TMCO6: variants seen among roughly 807,000 people sequenced by gnomAD.
TMCO6 encodes transmembrane and coiled-coil domain-containing protein 6.
In TMCO6, 47 loss-of-function variants were observed where a neutral mutation model predicts 61.8. The observed-to-expected ratio is 0.76, with a 90% CI of 0.60 to 0.97. The LOEUF (loss-of-function observed/expected upper bound fraction) is 0.97. Ranked by LOEUF, TMCO6 falls within the 50% of genes least tolerant of loss-of-function variation. The pLI is 0.00. For missense variants in TMCO6, 557 were observed against 601.6 expected, an observed-to-expected ratio of 0.93 and a Z score of 0.78; for synonymous variants, 261 against 254.2, an observed-to-expected ratio of 1.03 and a Z score of -0.25.
Position 140,639,746 on chromosome 5 carries a change from GA to G in TMCO6, c.95del (p.Lys32ArgfsTer14). 1 of 1,596,196 alleles carries G rather than the reference GA, an allele frequency of 6.3e-7. No homozygotes were observed. On this transcript the variant is annotated frameshift_variant, in exon 2 of 12. Transcript: ENST00000394671. LOFTEE classifies it high-confidence loss of function. Reference sequence around the variant, plus strand: ...CGGCTCCTCTGCCCCCAGCACTGCGGAAGGCGCGGAGGGAGCAGCAGCTGGT... The same window carrying G: ...CGGCTCCTCTGCCCCCAGCACTGCGGAGGCGCGGAGGGAGCAGCAGCTGGT... ...RRREREAALR[K>X]ARREQQLVSK...
chr5:140,601,292 C>A, the TMCO6 span, among the ~76,000 whole-genome samples: 1 of 152,134 alleles, frequency 6.6e-6, no homozygotes, highest in Non-Finnish European at 1.5e-5. Context: ...TCTGCAATGG[C>A]TGTGGGGGTA....
At chr5:140,645,726 C>A (rs1260615030), downstream of TMCO6, 1 of 1,613,530 alleles carries the variant, frequency 6.2e-7, no homozygotes, top group East Asian at 2.2e-5. Flanking sequence ...ACCCTGGAGG[C>A]TACCAAAGTA....
the TMCO6 span, among the ~76,000 whole-genome samples, chr5:140,604,120 C>T: frequency 2.0e-5 from 3 of 152,136 alleles, no homozygotes; most frequent in African/African-American, 7.2e-5. Flanking sequence ...TTTTCATATG[C>T]TTGTTAGCCA....
the TMCO6 span, among the ~76,000 whole-genome samples, chr5:140,607,434 T>C: frequency 1.3e-5 from 2 of 152,356 alleles, no homozygotes; most frequent in Middle Eastern, 3.4e-3. Context: ...TATGTATTCA[T>C]TTATCCACTA....
At chr5:140,624,246 T>A in the TMCO6 span, among the ~76,000 whole-genome samples, 1 of 151,908 alleles carries the variant, frequency 6.6e-6, no homozygotes, top group Admixed American at 6.6e-5. Flanking sequence ...CTGCCTGTAA[T>A]CCCAGCTACT....
At chr5:140,607,402 G>A in the TMCO6 span, among the ~76,000 whole-genome samples, 26 of 152,208 alleles carry the variant, frequency 1.7e-4, no homozygotes, top group African/African-American at 6.3e-4. Context: ...ATAATATTCC[G>A]TTGTCTGTGT....
At chr5:140,646,479 T>C (rs1325422605), downstream of TMCO6, among the ~76,000 whole-genome samples, 1 of 152,200 alleles carries the variant, frequency 6.6e-6, no homozygotes, top group Non-Finnish European at 1.5e-5. Flanking sequence ...GTCTCACAGA[T>C]ATCTACTCTG....
chr5:140,641,591 G>A, intron 2 of TMCO6, 74 bp from the exon 3 acceptor site: 1 of 1,269,588 alleles, frequency 7.9e-7, no homozygotes. Context: ...GCTCACAGGT[G>A]AAGTGGGCAG....
chr5:140,638,385 G>A (rs1756827518), upstream of TMCO6, among the ~76,000 whole-genome samples: 1 of 152,030 alleles, frequency 6.6e-6, no homozygotes, highest in East Asian at 1.9e-4. Flanking sequence ...TACTGATAAC[G>A]TCTGGTACTG....
At chr5:140,640,913 G>A (rs1756987004) in intron 2 of TMCO6, 1 of 152,528 alleles carries the variant, frequency 6.6e-6, no homozygotes, top group Non-Finnish European at 1.5e-5. Flanking sequence ...CCCTGTATTT[G>A]TATTATGTTT....
the TMCO6 span, among the ~76,000 whole-genome samples, chr5:140,604,888 G>A: frequency 1.3e-5 from 2 of 150,234 alleles, no homozygotes; most frequent in Non-Finnish European, 3.0e-5. Flanking sequence ...AAAATCAGTT[G>A]GTTATAGATG....
chr5:140,635,566 C>T (rs1320292166), upstream of TMCO6, among the ~76,000 whole-genome samples: 1 of 152,134 alleles, frequency 6.6e-6, no homozygotes, highest in East Asian at 1.9e-4. Context: ...CAAAGATCTC[C>T]AACTCACAGC....
At chr5:140,628,094 C>T in the TMCO6 span, among the ~76,000 whole-genome samples, 6 of 151,302 alleles carry the variant, frequency 4.0e-5, no homozygotes, top group Admixed American at 6.6e-5. Context: ...CCACAACCTC[C>T]GCCTCCCAGA....
the TMCO6 span, among the ~76,000 whole-genome samples, chr5:140,619,222 A>G: frequency 0.56 from 84,776 of 152,080 alleles, 24,144 homozygotes; most frequent in African/African-American, 0.65. Flanking sequence ...CATATGAAAA[A>G]GTGCTCTACA....
At chr5:140,632,821 C>T in the TMCO6 span, 2 of 1,614,010 alleles carry the variant, frequency 1.2e-6, no homozygotes, top group Admixed American at 3.3e-5. This position sits in a 1 kb window ranked among gnomAD's most constrained non-coding sequence, Gnocchi z 6.2. Flanking sequence ...TCCACCTCTA[C>T]TGCAGACACA....
At position 140,641,945 on chromosome 5, in the gene TMCO6, G is replaced by C. The variant is rs1757065037; in HGVS notation, c.390G>C (p.Arg130=). 3 of 1,613,996 alleles carry C rather than the reference G, an allele frequency of 1.9e-6. No individual in the cohort carries two copies. Among genetic ancestry groups the C allele is most frequent in the Non-Finnish European group, 2.5e-6 (3 of 1,179,852 alleles). The change falls in exon 4 of 12, where the codon CGG becomes CGC. Residue 130 remains arginine, a synonymous_variant. Transcript: ENST00000394671. ...CCCTGCTGCAGCTTGAGGCGGCTCGGTGCCTGCATGAGCTCTCTCACTCCG... is the reference window on the plus strand; with the variant it reads ...CCCTGCTGCAGCTTGAGGCGGCTCGCTGCCTGCATGAGCTCTCTCACTCCG... ...NQALLQLEAA[R]CLHELSHSEQ...
the TMCO6 span, among the ~76,000 whole-genome samples, chr5:140,620,890 G>A: frequency 6.6e-6 from 1 of 152,218 alleles, no homozygotes; most frequent in Non-Finnish European, 1.5e-5. Flanking sequence ...ACATGCACCT[G>A]TAGTCCCAGC....
the TMCO6 span, chr5:140,632,271 G>A: frequency 5.0e-6 from 8 of 1,613,688 alleles, no homozygotes; most frequent in Admixed American, 1.0e-4. This position sits in a 1 kb window ranked among gnomAD's most constrained non-coding sequence, Gnocchi z 6.2. Context: ...GCACACGCCT[G>A]TGGGCGTCTC....
At chr5:140,637,946 CTCTTT>C (rs1411321670), upstream of TMCO6, among the ~76,000 whole-genome samples, 15 of 152,112 alleles carry the variant, frequency 9.9e-5, no homozygotes, top group African/African-American at 2.9e-4. Flanking sequence ...TCCTCCTTTC[CTCTTT>C]TCTTTTCTTT....
Sources: allele counts gnomAD v4.1 joint callset (sites outside exome capture counted in the v4.1 genomes callset), GRCh38; gene constraint gnomAD v4.1.1; non-coding constraint Gnocchi (gnomAD v3.1); transcripts MANE v1.5; gene names NCBI Gene and HGNC (gene_info 2026-07-23, HGNC 2026-07-21).